CPSF1: variants seen among roughly 807,000 people sequenced by gnomAD.
The protein encoded by CPSF1 is cleavage and polyadenylation specificity factor subunit 1.
A neutral mutation model predicts 175.8 loss-of-function variants in CPSF1; 106 were observed. The ratio of observed to expected loss-of-function variants is 0.60; its 90% CI spans 0.52 to 0.71. CPSF1 has a LOEUF of 0.71. Among genes scored for constraint, CPSF1 ranks in the 30% least tolerant of loss-of-function variants. CPSF1 has a pLI of 0.00. For synonymous variants in CPSF1, 1,024 were observed against 858.3 expected (o/e 1.19, Z -3.37); for missense variants, 1,734 against 2,022.9 (o/e 0.86, Z 2.74).
Position 144,397,511 on chromosome 8 carries a change from C to A in CPSF1, c.2361G>T (p.Leu787=). ...FRAEPTHWCL[L]VRENGTMEIY... ...CCTCCATGGTGCCATTCTCCCGCAC[C>A]AGCAGGCACCAGTGGGTAGGCTCTG... Residue 787 remains leucine (L), a synonymous_variant, in exon 22 of 38, where the codon CTG becomes CTT. Transcript: ENST00000616140. 6.3e-7 allele frequency: 1 copy of A among 1,586,144 alleles called. No individual in the cohort carries two copies. The highest frequency in any genetic ancestry group is 8.6e-7 in the Non-Finnish European group (1 of 1,160,654).
At position 144,401,454 on chromosome 8, in the gene CPSF1, C is replaced by A; in HGVS notation, c.282G>T (p.Leu94=). Residue 94 remains leucine, a synonymous_variant, in exon 4 of 38, where the codon CTG becomes CTT. Coordinates refer to ENST00000616140, the MANE Select transcript of CPSF1 (RefSeq NM_013291.3). ...VQLAGAKRDA[L]LLSFKDAKLS... ...CCTTGGCATCCTTGAAGCTTAGGAG[C>A]AGGGCATCCCGCTTGGCTCCTGCCA... The A allele has an allele frequency of 6.2e-7, 1 of 1,614,076 alleles. No individual in the cohort carries two copies. The highest frequency in any genetic ancestry group is 8.5e-7 in the Non-Finnish European group (1 of 1,180,010).
chr8:144,400,541 C>T (rs2116876214), intron 7 of CPSF1, 48 bp from the exon 8 acceptor site: 6 of 1,609,536 alleles, frequency 3.7e-6, no homozygotes, highest in Non-Finnish European at 4.2e-6. Context: ...CCCGCAGAGA[C>T]CCAGGCCCAG....
rs2116858240 is a variant in CPSF1 at position 144,399,080 on chromosome 8, C to G, written c.1468-42G>C. 1.6e-5 allele frequency: 25 copies of G among 1,546,748 alleles called. No homozygotes were observed. Among genetic ancestry groups the G allele is most frequent in the African/African-American group, 4.1e-5 (3 of 72,900 alleles). ...GGTGAGGACTATGCCCCCCACCCCC[C>G]CTCACACTCCAGCCCCTGCCCCCAG... is the stretch of plus-strand genomic sequence containing the variant. On this transcript the variant is annotated intron_variant, in intron 15 of 37. Transcript: ENST00000616140. This position sits in a 1 kb window ranked among gnomAD's most constrained non-coding sequence, Gnocchi z 6.4.
Position 144,399,243 on chromosome 8 carries a change from G to C in CPSF1, c.1392+33C>G. ...AGTCAGGGGCCCGCTGGGGGCGCTG[G>C]CTGGGACGGGGGCCCTGCTGCCTCA... On this transcript the variant is annotated intron_variant, in intron 14 of 37. Transcript: ENST00000616140. This position sits in a 1 kb window ranked among gnomAD's most constrained non-coding sequence, Gnocchi z 6.4. 1 of 1,612,060 alleles carries C rather than the reference G, an allele frequency of 6.2e-7. No individual in the cohort carries two copies. The highest frequency in any genetic ancestry group is 8.5e-7 in the Non-Finnish European group (1 of 1,179,678).
At position 144,396,893 on chromosome 8, in the gene CPSF1, A is replaced by G. The variant is rs781842700; in HGVS notation, c.2629T>C (p.Phe877Leu). 6.2e-7 allele frequency: 1 copy of G among 1,613,802 alleles called. No individual in the cohort carries two copies. Reference protein sequence around the residue: ...VDQELLIYEAFPHDSQLGQGN... With the variant: ...VDQELLIYEALPHDSQLGQGN... ...TGGCCGAGCTGAGAGTCGTGGGGGA[A>G]GGCCTCGTAGATAAGCAGCTCTTGG... Residue 877 changes from phenylalanine to leucine, a missense_variant, in exon 24 of 38, where the codon TTC becomes CTC. Transcript: ENST00000616140.
At chr8:144,409,238 G>C (rs1223201333) in intron 1 of CPSF1, 51 bp downstream of exon 1, 8 of 1,270,004 alleles carry the variant, frequency 6.3e-6, no homozygotes, top group African/African-American at 1.5e-5. Context: ...CCCGCACCGC[G>C]CCCCTCCCCG....
intron 26 of CPSF1, chr8:144,395,794 A>G (rs1820686522): frequency 1.7e-6 from 1 of 581,518 alleles, no homozygotes; most frequent in Admixed American, 3.0e-5. Flanking sequence ...TGGGAAAGCT[A>G]GGCCAGGAGG....
intron 27 of CPSF1, 40 bp from the exon 28 acceptor site, chr8:144,395,395 G>T: frequency 6.2e-7 from 1 of 1,613,110 alleles, no homozygotes; most frequent in African/African-American, 1.3e-5. Context: ...GGCCCGGCCA[G>T]GCCCAGAAGG....
intron 9 of CPSF1, 30 bp downstream of exon 9, chr8:144,400,136 C>CCCCCCCCCCCCCCCCCCCCCCCCCCCCA: frequency 2.0e-6 from 2 of 995,122 alleles, no homozygotes; most frequent in Non-Finnish European, 2.9e-6. Context: ...CGTCCCCGGG[C>CCCCCCCCCCCCCCCCCCCCCCCCCCCCA]CCCCCCCGCC....
At chr8:144,394,589 C>T (rs1554862851) in intron 31 of CPSF1, 34 bp from the exon 32 acceptor site, 9 of 1,602,210 alleles carry the variant, frequency 5.6e-6, no homozygotes, top group East Asian at 2.2e-5. Context: ...CGGGCGCGGA[C>T]GGGGAGCCGG....
At position 144,398,063 on chromosome 8, in the gene CPSF1, TA is replaced by T; in HGVS notation, c.1963del (p.Tyr655MetfsTer5). The T allele has an allele frequency of 1.2e-6, 2 of 1,612,230 alleles. No homozygotes were observed. The highest frequency in any genetic ancestry group is 1.3e-5 in the African/African-American group (1 of 74,960). ...PIVQCAVADP[Y>X]VVIMSAEGHV... ...GCCCTCGGCACTCATGATGACCACA[TA>T]GGGGTCGGCCACGGCGCACTGCACG... On this transcript the variant is annotated frameshift_variant, in exon 20 of 38. Transcript: ENST00000616140. LOFTEE classifies it high-confidence loss of function.
chr8:144,404,839 G>C (rs544946680), intron 2 of CPSF1, among the ~76,000 whole-genome samples: 1 of 151,400 alleles, frequency 6.6e-6, no homozygotes, highest in Non-Finnish European at 1.5e-5. Context: ...AGCGGATCAC[G>C]GGGTCAGGCG....
chr8:144,396,129 A>C (rs1586613552), intron 26 of CPSF1: 1 of 582,426 alleles, frequency 1.7e-6, no homozygotes, highest in Non-Finnish European at 3.0e-6. Flanking sequence ...AGTGGTGGGG[A>C]CCCCAGGGGC....
rs2116882931 is a variant in CPSF1 at position 144,401,240 on chromosome 8, G to T, written c.358C>A (p.Leu120Met). 1 of 1,551,494 alleles carries T rather than the reference G, an allele frequency of 6.4e-7. No individual in the cohort carries two copies. The highest frequency in any genetic ancestry group is 8.7e-7 in the Non-Finnish European group (1 of 1,147,396). The change falls in exon 5 of 38, where the codon CTG becomes ATG. Residue 120 changes from leucine (L) to methionine (M), a missense_variant. This residue lies in a region of CPSF1 where 122 missense variants were observed against 177.2 expected (regional missense o/e 0.69). Transcript: ENST00000616140. ...AGCTCAGGCTCCTCAAAGTAGTGCA[G>T]TGACAGGGTCTTCAGGTCATGGGTG... ...PGTHDLKTLS[L>M]HYFEEPELRD...
At chr8:144,408,678 A>G (rs1554869820) in intron 2 of CPSF1, among the ~76,000 whole-genome samples, 1 of 152,134 alleles carries the variant, frequency 6.6e-6, no homozygotes, top group African/African-American at 2.4e-5. Context: ...CCCTTCCCCA[A>G]GTGTCTGCAG....
chr8:144,403,574 ACAGAGTCTCACTCTGT>A lies in CPSF1; in HGVS notation c.145-1917_145-1902del, dbSNP rs2116895199. 2.1e-3 allele frequency among the ~76,000 whole-genome samples: 321 copies of A among 151,602 alleles called. 1 individual carries two copies. Among genetic ancestry groups the A allele is most frequent in the South Asian group, 0.017 (82 of 4,772 alleles). ...TTTATTTATTTTTTTAAATTTTGAG[ACAGAGTCTCACTCTGT>A]CACCCAGGCTGGAGGGCAGTAGTGT... On this transcript the variant is annotated intron_variant, in intron 2 of 37. Transcript: ENST00000616140.
chr8:144,397,566 G>A lies in CPSF1; in HGVS notation c.2306C>T (p.Pro769Leu). The change falls in exon 22 of 38, where the codon CCT becomes CTT. Residue 769 changes from proline to leucine, a missense_variant. Physicochemically the swap from Pro to Leu is moderately conservative, Grantham distance 98. This residue lies in a region of CPSF1 where 585 missense variants were observed against 584.7 expected (regional missense o/e 1.00). Transcript: ENST00000616140. ...KEEARRSSQP[P>L]ADRDPAPFRA... ...GAAGGGTGCAGGGTCCCGGTCAGCA[G>A]GGGGCTGGCTGCTTCTTCGGGCCTC... 1.3e-6 allele frequency: 2 copies of A among 1,549,228 alleles called. No homozygotes were observed. The highest frequency in any genetic ancestry group is 1.7e-4 in the Middle Eastern group (1 of 5,738).
chr8:144,400,447 G>A lies in CPSF1; in HGVS notation c.733C>T (p.Leu245=). The A allele has an allele frequency of 4.3e-6, 7 of 1,613,556 alleles. No individual in the cohort carries two copies. Among genetic ancestry groups the A allele is most frequent in the Non-Finnish European group, 5.9e-6 (7 of 1,179,974 alleles). ...GGGTGCACCTTCTGCGTGATGTTCA[G>A]TGAGATGGCCACAATGGAGCACGTG... The part of the protein sequence containing the change: ...QDTCSIVAIS[L]NITQKVHPVI... The change falls in exon 8 of 38, where the codon CTG becomes TTG. Residue 245 remains leucine, a synonymous_variant. Transcript: ENST00000616140.
chr8:144,407,430 C>A (rs1769970165), intron 2 of CPSF1, among the ~76,000 whole-genome samples: 1 of 152,060 alleles, frequency 6.6e-6, no homozygotes, highest in Non-Finnish European at 1.5e-5. Context: ...TCCTGTAATC[C>A]CAGCACTTTG....
Sources: gnomAD v4.1 joint callset for allele counts (sites outside exome capture counted in the v4.1 genomes callset) on GRCh38, gnomAD v4.1.1 for gene constraint, gnomAD v4.1.1 regional missense constraint, Gnocchi (gnomAD v3.1) non-coding constraint, MANE v1.5 for transcripts, NCBI Gene and HGNC (gene_info 2026-07-23, HGNC 2026-07-21) for gene names.